Variants in CHRM3 observed in about 807,000 individuals in gnomAD.
CHRM3 encodes the protein cholinergic receptor muscarinic 3, also known as muscarinic acetylcholine receptor M3.
Under a neutral mutation model 41.8 loss-of-function variants are expected in CHRM3, and 11 were observed. The observed-to-expected ratio is 0.26, with a 90% CI of 0.17 to 0.44. The LOEUF (loss-of-function observed/expected upper bound fraction) is 0.44. Ranked by LOEUF, CHRM3 falls within the 20% of genes least tolerant of loss-of-function variation. The probability of loss-of-function intolerance (pLI) is 1.00; values close to 1 mark genes in which losing one functional copy is unlikely to be tolerated. For missense variants in CHRM3, 571 were observed against 745.4 expected (o/e 0.77, Z 2.72); for synonymous variants, 297 against 301.4 (o/e 0.99, Z 0.15).
At chr1:239,623,483 G>T (rs1232551716) in intron 3 of CHRM3, among the ~76,000 whole-genome samples, 1 of 133,500 alleles carries the variant, frequency 7.5e-6, no homozygotes, top group Admixed American at 7.4e-5. Context: ...TGGTGTATAA[G>T]TTTTTTTTTT....
intron 2 of CHRM3, among the ~76,000 whole-genome samples, chr1:239,522,347 C>T (rs2148273719): frequency 6.6e-6 from 1 of 152,352 alleles, no homozygotes; most frequent in African/African-American, 2.4e-5. Flanking sequence ...ACTTGCCAGC[C>T]ATGTGAGTGA....
intron 1 of CHRM3, among the ~76,000 whole-genome samples, chr1:239,425,935 C>T (rs1281210968): frequency 6.6e-6 from 1 of 152,084 alleles, no homozygotes; most frequent in East Asian, 1.9e-4. Flanking sequence ...CAGCTCATAC[C>T]AGCTCAGGAG....
chr1:239,799,350 A>G (rs1446193239), intron 5 of CHRM3, among the ~76,000 whole-genome samples: 1 of 152,156 alleles, frequency 6.6e-6, no homozygotes, highest in Non-Finnish European at 1.5e-5. Flanking sequence ...GATGGGCAGG[A>G]AAAGGACCAA....
intron 5 of CHRM3, chr1:239,707,208 A>C (rs1294635948): frequency 6.6e-6 from 1 of 152,220 alleles, no homozygotes; most frequent in African/African-American, 2.4e-5. Flanking sequence ...AATAAGTTGC[A>C]TATGCCTTTC....
intron 3 of CHRM3, among the ~76,000 whole-genome samples, chr1:239,598,076 G>A (rs751930645): frequency 3.2e-4 from 48 of 151,970 alleles, no homozygotes; most frequent in South Asian, 6.2e-4. Flanking sequence ...CAGGGCCAGG[G>A]GTCCTGAAGG....
At chr1:239,853,013 A>T (rs1674824205) in intron 6 of CHRM3, among the ~76,000 whole-genome samples, 1 of 151,814 alleles carries the variant, frequency 6.6e-6, no homozygotes, top group Non-Finnish European at 1.5e-5. Flanking sequence ...TGTTCAAATG[A>T]ATTTATTTTA....
At chr1:239,828,175 TAC>T (rs1278297527) in intron 6 of CHRM3, among the ~76,000 whole-genome samples, 2 of 152,224 alleles carry the variant, frequency 1.3e-5, no homozygotes, top group Admixed American at 6.5e-5. Context: ...TACACATATA[TAC>T]ACATACGGAT....
chr1:239,435,474 A>G (rs1207541792), intron 1 of CHRM3, among the ~76,000 whole-genome samples: 6 of 149,282 alleles, frequency 4.0e-5, no homozygotes, highest in Non-Finnish European at 8.9e-5. Context: ...AAAAAAAAAA[A>G]GAAGAAAAAA....
At chr1:239,478,284 A>G (rs1666597352) in intron 1 of CHRM3, among the ~76,000 whole-genome samples, 1 of 152,172 alleles carries the variant, frequency 6.6e-6, no homozygotes, top group South Asian at 2.1e-4. Context: ...CTGACAAAAG[A>G]AGGAGTGTAC....
intron 4 of CHRM3, among the ~76,000 whole-genome samples, chr1:239,632,609 A>G (rs1669975344): frequency 6.6e-6 from 1 of 152,256 alleles, no homozygotes; most frequent in Non-Finnish European, 1.5e-5. Context: ...ATTAGTACAT[A>G]TATAGGATCT....
intron 6 of CHRM3, among the ~76,000 whole-genome samples, chr1:239,854,373 A>G (rs1039648532): frequency 4.0e-5 from 6 of 151,496 alleles, no homozygotes; most frequent in Non-Finnish European, 5.9e-5. Context: ...GGTGATGTAC[A>G]GTGAACAACA....
At chr1:239,565,666 AT>A (rs1661291423) in intron 3 of CHRM3, among the ~76,000 whole-genome samples, 1 of 152,100 alleles carries the variant, frequency 6.6e-6, no homozygotes, top group Admixed American at 6.5e-5. Context: ...GAATAGTTGC[AT>A]TTAGTCTTTT....
intron 4 of CHRM3, among the ~76,000 whole-genome samples, chr1:239,666,281 A>AT (rs1226018388): frequency 3.3e-5 from 5 of 150,684 alleles, no homozygotes; most frequent in African/African-American, 9.8e-5. Flanking sequence ...TGTAACCTCC[A>AT]TCTCCCAGGT....
intron 4 of CHRM3, among the ~76,000 whole-genome samples, chr1:239,634,161 G>A (rs1196335960): frequency 6.6e-6 from 1 of 152,138 alleles, no homozygotes; most frequent in Non-Finnish European, 1.5e-5. Context: ...CTGACAGCCT[G>A]GTTCCAGGAG....
chr1:239,608,945 G>A (rs1213537637), intron 3 of CHRM3, among the ~76,000 whole-genome samples: 1 of 152,016 alleles, frequency 6.6e-6, no homozygotes, highest in Non-Finnish European at 1.5e-5. Context: ...TCAAAACACA[G>A]AGTTGATTTA....
intron 1 of CHRM3, among the ~76,000 whole-genome samples, chr1:239,442,587 T>C (rs1029668995): frequency 1.5e-4 from 23 of 152,116 alleles, no homozygotes; most frequent in African/African-American, 5.3e-4. Flanking sequence ...AAGTGGGGAA[T>C]TTGGATCAGA....
chr1:239,662,893 C>CTCTTCTTCTTCTTCTTCTTCT (rs67465048), intron 4 of CHRM3, among the ~76,000 whole-genome samples: 1,137 of 46,392 alleles, frequency 0.025, 52 homozygotes, highest in African/African-American at 0.064. Flanking sequence ...CTTCCTCCTC[C>CTCTTCTTCTTCTTCTTCTTCT]TCTTCTTCTT....
At chr1:239,424,740 C>T (rs1662235174) in intron 1 of CHRM3, among the ~76,000 whole-genome samples, 2 of 152,040 alleles carry the variant, frequency 1.3e-5, no homozygotes, top group Admixed American at 1.3e-4. Context: ...CACTCAATGG[C>T]CTAAAAGAAG....
intron 1 of CHRM3, among the ~76,000 whole-genome samples, chr1:239,417,579 G>GTTTTTTTTTTTTTTTTTTT (rs34926014): frequency 1.6e-5 from 2 of 122,664 alleles, no homozygotes; most frequent in East Asian, 2.5e-4. Context: ...AGATTAATTT[G>GTTTTTTTTTTTTTTTTTTT]TTTTTTTTTT....
Sources: gnomAD v4.1 joint callset for allele counts (sites outside exome capture counted in the v4.1 genomes callset) on GRCh38, gnomAD v4.1.1 for gene constraint, MANE v1.5 for transcripts, NCBI Gene and HGNC (gene_info 2026-07-23, HGNC 2026-07-21) for gene names.